Variants in SFMBT2 observed in about 807,000 individuals in gnomAD.
SFMBT2 encodes scm-like with four MBT domains protein 2.
SFMBT2 carries 38 observed loss-of-function variants against 110.1 expected under a neutral mutation model. The observed-to-expected ratio is 0.35, with a 90% CI of 0.27 to 0.45. SFMBT2 has a LOEUF of 0.45. SFMBT2 is among the 20% of genes least tolerant of loss of function. The probability of loss-of-function intolerance (pLI) is 1.00; values close to 1 mark genes in which losing one functional copy is unlikely to be tolerated. For missense variants in SFMBT2, 1,011 were observed against 1,094.9 expected (o/e 0.92, Z 1.08); for synonymous variants, 425 against 425.4 (o/e 1.00, Z 0.01).
rs1340521300 is a variant in SFMBT2, at chr10:7,229,480, G to A, written c.1121-1543C>T. Among the ~76,000 whole-genome samples the A allele has an allele frequency of 2.0e-5, 3 of 151,272 alleles. No homozygotes were observed. In the South Asian group the frequency reaches 6.3e-4, roughly 32 times the overall value. On this transcript the variant is annotated intron_variant, in intron 9 of 20. Transcript: ENST00000397167. ...TGTAATCCCAGCTACTCGGGAGGCTGTGGCAGATAATTGCTCAAACCCGTG... is the reference window on the plus strand; with the variant it reads ...TGTAATCCCAGCTACTCGGGAGGCTATGGCAGATAATTGCTCAAACCCGTG...
chr10:7,368,577 C>T (rs1456761422), intron 3 of SFMBT2, among the ~76,000 whole-genome samples: 1 of 152,178 alleles, frequency 6.6e-6, no homozygotes, highest in African/African-American at 2.4e-5. Context: ...TGAAGGACAG[C>T]CTCCAGCTCT....
chr10:7,393,225 T>C (rs1190336177), intron 1 of SFMBT2, among the ~76,000 whole-genome samples: 1 of 151,680 alleles, frequency 6.6e-6, no homozygotes, highest in East Asian at 1.9e-4. Flanking sequence ...GAGACGGCAT[T>C]TTGCCATGTT....
intron 4 of SFMBT2, among the ~76,000 whole-genome samples, chr10:7,304,038 T>G (rs1842628175): frequency 6.6e-6 from 1 of 152,046 alleles, no homozygotes; most frequent in African/African-American, 2.4e-5. Context: ...ATGGGCGAGG[T>G]GGGCCACGGA....
intron 7 of SFMBT2, among the ~76,000 whole-genome samples, chr10:7,251,514 C>T (rs1840810675): frequency 6.6e-6 from 1 of 152,162 alleles, no homozygotes; most frequent in Non-Finnish European, 1.5e-5. Context: ...GTCCCCAGTA[C>T]CCATCAGCGG....
intron 11 of SFMBT2, among the ~76,000 whole-genome samples, chr10:7,214,237 G>A (rs1013240655): frequency 4.6e-5 from 7 of 152,172 alleles, no homozygotes; most frequent in African/African-American, 1.4e-4. Flanking sequence ...GCATCTTCCG[G>A]CCACCACTCT....
rs1004517508 is a variant in SFMBT2, at chr10:7,202,594, T to A, written c.1445-72A>T. The A allele has an allele frequency of 7.4e-6, 12 of 1,611,292 alleles. No individual in the cohort carries two copies. The Admixed American group carries it at 1.8e-4, about 25-fold the overall frequency. ...GGCAAGTCCATTTTTAAAAATAGGT[T>A]ATAAAGCAAAGAGGTACCCATTTTA... is the stretch of plus-strand genomic sequence containing the variant. On this transcript the variant is annotated intron_variant, in intron 12 of 20. Coordinates refer to ENST00000397167, the MANE Select transcript of SFMBT2 (RefSeq NM_001387889.1).
rs1232587308 is a variant in SFMBT2, at chr10:7,410,983, C to A, written c.-174G>T. ...CCGCTCGCTCCCCGCCCGCCGCCTC[C>A]CTCGCGCGCCCGCTCCGGTCCTCCG... On this transcript the variant is annotated 5_prime_UTR_variant, in exon 1 of 21. Transcript: ENST00000397167. 1.3e-5 allele frequency among the ~76,000 whole-genome samples: 2 copies of A among 151,450 alleles called. No homozygotes were observed. The highest frequency in any genetic ancestry group is 4.9e-5 in the African/African-American group (2 of 41,210).
chr10:7,366,282 G>T lies in SFMBT2; in HGVS notation c.436+1367C>A, dbSNP rs538562498. Among the ~76,000 whole-genome samples, 108 of 152,174 alleles carry T rather than the reference G, an allele frequency of 7.1e-4. No homozygotes were observed. In the Middle Eastern group the frequency reaches 0.01, roughly 14 times the overall value. Reference sequence around the variant, plus strand: ...ATGTCAGCTAACGCCATGGCAATGGGTTCGATCCTGACAAATGTCACATAA... The same window carrying T: ...ATGTCAGCTAACGCCATGGCAATGGTTTCGATCCTGACAAATGTCACATAA... On this transcript the variant is annotated intron_variant, in intron 4 of 20. Transcript: ENST00000397167.
At chr10:7,213,417 C>G (rs1249933459) in intron 11 of SFMBT2, among the ~76,000 whole-genome samples, 2 of 151,900 alleles carry the variant, frequency 1.3e-5, no homozygotes, top group Non-Finnish European at 2.9e-5. Context: ...AATGTGGGGG[C>G]CAGAAGAGGA....
chr10:7,163,686 A>G lies in SFMBT2; in HGVS notation c.*84T>C. 1 of 1,264,612 alleles carries G rather than the reference A, an allele frequency of 7.9e-7. No individual in the cohort carries two copies. The allele number at this position is 1,264,612 out of a possible 1,614,324, so 78.3% of individuals were successfully genotyped here. On this transcript the variant is annotated 3_prime_UTR_variant, in exon 21 of 21. Coordinates refer to ENST00000397167, the MANE Select transcript of SFMBT2 (RefSeq NM_001387889.1). The surrounding 1 kb of genome is among the most constrained non-coding windows in gnomAD (Gnocchi z 4.8). ...ACTTAGTGGCTGTACCATTTAACATATCCCGGAAAATCAAAGTTTCAGTCC... is the reference window on the plus strand; with the variant it reads ...ACTTAGTGGCTGTACCATTTAACATGTCCCGGAAAATCAAAGTTTCAGTCC...
chr10:7,409,844 T>C (rs952728762), intron 1 of SFMBT2, among the ~76,000 whole-genome samples: 3 of 152,052 alleles, frequency 2.0e-5, no homozygotes, highest in African/African-American at 4.8e-5. Context: ...TAAAGACTCC[T>C]TCCCCGCAGT....
At chr10:7,304,731 T>C (rs1337121082) in intron 4 of SFMBT2, among the ~76,000 whole-genome samples, 1 of 152,098 alleles carries the variant, frequency 6.6e-6, no homozygotes, top group African/African-American at 2.4e-5. Flanking sequence ...AAGATTCATG[T>C]CAAAAACAAA....
intron 7 of SFMBT2, among the ~76,000 whole-genome samples, chr10:7,261,061 G>A (rs561515795): frequency 1.3e-5 from 2 of 152,052 alleles, no homozygotes; most frequent in South Asian, 2.1e-4. Context: ...ACTTCTCTGA[G>A]CCTGGCAATT....
intron 4 of SFMBT2, among the ~76,000 whole-genome samples, chr10:7,343,090 A>C (rs1181652695): frequency 6.6e-6 from 1 of 151,894 alleles, no homozygotes; most frequent in African/African-American, 2.4e-5. Flanking sequence ...CTTTATGTCC[A>C]TTTGTACTCA....
chr10:7,182,565 T>C (rs1175928106), intron 16 of SFMBT2, among the ~76,000 whole-genome samples: 1 of 151,948 alleles, frequency 6.6e-6, no homozygotes, highest in African/African-American at 2.4e-5. Flanking sequence ...ATGTCCTTGG[T>C]AGGGACATGG....
At chr10:7,379,036 T>C (rs1043149758) in intron 2 of SFMBT2, among the ~76,000 whole-genome samples, 1 of 152,136 alleles carries the variant, frequency 6.6e-6, no homozygotes, top group African/African-American at 2.4e-5. Flanking sequence ...TAAAAGCAGC[T>C]ATGCCAGTGG....
At chr10:7,238,854 C>G (rs570405648) in intron 9 of SFMBT2, among the ~76,000 whole-genome samples, 20 of 152,254 alleles carry the variant, frequency 1.3e-4, no homozygotes, top group Middle Eastern at 3.4e-3. Flanking sequence ...TGGTTGATAA[C>G]CTATACACAT....
chr10:7,335,028 G>C (rs1281979402), intron 4 of SFMBT2, among the ~76,000 whole-genome samples: 3 of 152,176 alleles, frequency 2.0e-5, no homozygotes, highest in Non-Finnish European at 4.4e-5. Context: ...GAAGCCGGAG[G>C]GGGGAAAAGG....
intron 4 of SFMBT2, among the ~76,000 whole-genome samples, chr10:7,303,191 C>A (rs1174375148): frequency 6.6e-6 from 1 of 152,142 alleles, no homozygotes; most frequent in Non-Finnish European, 1.5e-5. Flanking sequence ...CTATCAATTA[C>A]CTGAGATCAA....
Sources: allele counts gnomAD v4.1 joint callset (sites outside exome capture counted in the v4.1 genomes callset), GRCh38; gene constraint gnomAD v4.1.1; non-coding constraint Gnocchi (gnomAD v3.1); transcripts MANE v1.5; gene names NCBI Gene and HGNC (gene_info 2026-07-23, HGNC 2026-07-21).